The following FAM107A variants were observed in gnomAD, a reference collection of about 807,000 sequenced individuals.
FAM107A encodes actin-associated protein FAM107A.
Under a neutral mutation model 13.7 loss-of-function variants are expected in FAM107A, and 19 were observed. The observed-to-expected ratio is 1.38, with a 90% CI of 0.97 to 2.03. The LOEUF (loss-of-function observed/expected upper bound fraction) is 2.03, where lower values mean the gene tolerates loss of function less well. FAM107A is among the 30% of genes most tolerant of loss of function. The pLI is 0.00. For synonymous variants in FAM107A, 82 were observed against 74.5 expected (o/e 1.10, Z -0.52); for missense variants, 203 against 184.4 (o/e 1.10, Z -0.58).
At chr3:58,573,258 G>A (rs1244562385) in intron 1 of FAM107A, among the ~76,000 whole-genome samples, 1 of 152,216 alleles carries the variant, frequency 6.6e-6, no homozygotes, top group Non-Finnish European at 1.5e-5. Context: ...GAGGGGTGGG[G>A]TGAGGAGGGT....
Position 58,569,992 on chromosome 3 carries a change from G to T in FAM107A, c.-5-127C>A. Reference sequence around the variant, plus strand: ...TGGCCACCTGCTACTGCGCATACCTGGGCAAGCTACCTGACTTTCTGAGCC... The same window carrying T: ...TGGCCACCTGCTACTGCGCATACCTTGGCAAGCTACCTGACTTTCTGAGCC... On this transcript the variant is annotated intron_variant, in intron 1 of 3. Transcript: ENST00000360997. The surrounding 1 kb of genome is among the most constrained non-coding windows in gnomAD (Gnocchi z 5.7). The T allele has an allele frequency of 3.5e-6, 3 of 866,808 alleles. No individual in the cohort carries two copies. Among genetic ancestry groups the T allele is most frequent in the Non-Finnish European group, 5.2e-6 (3 of 581,388 alleles). The allele number at this position is 866,808 out of a possible 1,614,324, so 53.7% of individuals were successfully genotyped here. A position where few individuals can be genotyped will look rare whatever the true frequency, so the allele number is the denominator to read the frequency against.
chr3:58,589,035 G>T (rs1050818867), upstream of FAM107A, among the ~76,000 whole-genome samples: 2 of 152,162 alleles, frequency 1.3e-5, no homozygotes, highest in African/African-American at 4.8e-5. Context: ...TGGTAGTGGA[G>T]CCAGAATTTG....
At chr3:58,625,127 C>A (rs888287258) in intron 1 of FAM107A, among the ~76,000 whole-genome samples, 3 of 152,130 alleles carry the variant, frequency 2.0e-5, no homozygotes, top group Non-Finnish European at 4.4e-5. Context: ...AAACTTTAAA[C>A]AAACCCCACC....
intron 1 of FAM107A, among the ~76,000 whole-genome samples, chr3:58,606,117 A>T (rs1019402024): frequency 2.6e-5 from 4 of 152,022 alleles, no homozygotes; most frequent in Admixed American, 1.3e-4. Context: ...TTTGTTTGAG[A>T]TGGAGTCTCA....
At chr3:58,600,788 G>A (rs1403223246) in intron 1 of FAM107A, among the ~76,000 whole-genome samples, 1 of 152,142 alleles carries the variant, frequency 6.6e-6, no homozygotes, top group African/African-American at 2.4e-5. Context: ...GGGGAGAAAT[G>A]CCACAGGGGG....
upstream of FAM107A, among the ~76,000 whole-genome samples, chr3:58,580,517 C>T (rs773399695): frequency 2.1e-4 from 31 of 149,754 alleles, no homozygotes; most frequent in Non-Finnish European, 3.8e-4. Flanking sequence ...TGGGATCAAG[C>T]GAGCCTCCCA....
At chr3:58,623,372 C>T (rs2065977092) in intron 1 of FAM107A, among the ~76,000 whole-genome samples, 1 of 152,214 alleles carries the variant, frequency 6.6e-6, no homozygotes, top group Non-Finnish European at 1.5e-5. Context: ...AAATGTTTTA[C>T]AGAACGAAAG....
chr3:58,622,549 C>A (rs534538608), intron 1 of FAM107A, among the ~76,000 whole-genome samples: 2 of 152,274 alleles, frequency 1.3e-5, no homozygotes, highest in African/African-American at 4.8e-5. Flanking sequence ...TCCCTCACAC[C>A]TTGGGATGGA....
Position 58,569,965 on chromosome 3 carries a change from C to G in FAM107A, c.-5-100G>C, listed in dbSNP as rs369031590. 8 of 1,207,632 alleles carry G rather than the reference C, an allele frequency of 6.6e-6. No individual in the cohort carries two copies. Among genetic ancestry groups the G allele is most frequent in the Admixed American group, 2.3e-5 (1 of 42,852 alleles). The allele number at this position is 1,207,632 out of a possible 1,614,324, so 74.8% of individuals were successfully genotyped here. A position where few individuals can be genotyped will look rare whatever the true frequency, so the allele number is the denominator to read the frequency against. On this transcript the variant is annotated intron_variant, in intron 1 of 3. Transcript: ENST00000360997. This position sits in a 1 kb window ranked among gnomAD's most constrained non-coding sequence, Gnocchi z 5.7. ...GGCAAGGTTTTCATGTCAGATGGACCTTGGCCACCTGCTACTGCGCATACC... is the reference window on the plus strand; with the variant it reads ...GGCAAGGTTTTCATGTCAGATGGACGTTGGCCACCTGCTACTGCGCATACC...
chr3:58,590,641 CAG>C (rs777038806), upstream of FAM107A, among the ~76,000 whole-genome samples: 7 of 152,108 alleles, frequency 4.6e-5, no homozygotes, highest in African/African-American at 1.7e-4. Context: ...GCAGGAGAGA[CAG>C]AGAGAGAGTG....
intron 1 of FAM107A, among the ~76,000 whole-genome samples, chr3:58,602,862 A>G (rs4256151): frequency 0.27 from 40,843 of 152,186 alleles, 6,081 homozygotes; most frequent in South Asian, 0.5. Context: ...GTTTGTGGGT[A>G]TAGATATGTG....
chr3:58,601,227 G>A (rs2065750403), intron 1 of FAM107A, among the ~76,000 whole-genome samples: 1 of 152,118 alleles, frequency 6.6e-6, no homozygotes, highest in Non-Finnish European at 1.5e-5. Context: ...ATGCAGATGG[G>A]TGTAAAGTGC....
At position 58,574,977 on chromosome 3, in the gene FAM107A, G is replaced by A. The variant is rs2063718673; in HGVS notation, c.-6+2332C>T. Among the ~76,000 whole-genome samples, 3 of 152,290 alleles carry A rather than the reference G, an allele frequency of 2.0e-5. No homozygotes were observed. In the South Asian group the frequency reaches 6.2e-4, roughly 32 times the overall value. ...CTGGTGCCTGCAGCCACAGGAGAGA[G>A]TAAGGAGAGACAGAAGGAGAGCTGC... On this transcript the variant is annotated intron_variant, in intron 1 of 3. Coordinates refer to ENST00000360997, the MANE Select transcript of FAM107A (RefSeq NM_001076778.3).
chr3:58,592,772 G>A (rs781024392), intron 1 of FAM107A, among the ~76,000 whole-genome samples: 29 of 152,106 alleles, frequency 1.9e-4, no homozygotes, highest in Non-Finnish European at 3.7e-4. Context: ...TTTACCTCTT[G>A]CCCTTCTCAA....
At chr3:58,608,342 T>C (rs572631492) in intron 1 of FAM107A, among the ~76,000 whole-genome samples, 3 of 152,288 alleles carry the variant, frequency 2.0e-5, no homozygotes, top group African/African-American at 7.2e-5. Context: ...AAGAACAATT[T>C]TGCTTAAAAT....
chr3:58,598,963 C>T (rs771880279), intron 1 of FAM107A, among the ~76,000 whole-genome samples: 6 of 151,612 alleles, frequency 4.0e-5, no homozygotes, highest in African/African-American at 9.7e-5. Context: ...TTTTTTGAGA[C>T]GGAGTTTTGC....
chr3:58,579,240 AAAGG>A (rs2063753280), upstream of FAM107A, among the ~76,000 whole-genome samples: 1 of 152,110 alleles, frequency 6.6e-6, no homozygotes, highest in Admixed American at 6.5e-5. Context: ...GGTGTGATGT[AAAGG>A]CAGGCTGGGT....
chr3:58,607,425 A>G (rs2065805178), intron 1 of FAM107A, among the ~76,000 whole-genome samples: 1 of 152,122 alleles, frequency 6.6e-6, no homozygotes, highest in African/African-American at 2.4e-5. Context: ...GGTGGCCTCC[A>G]TGACTCTCAC....
chr3:58,576,611 A>G (rs147128902), intron 1 of FAM107A, among the ~76,000 whole-genome samples: 115 of 152,350 alleles, frequency 7.5e-4, no homozygotes, highest in African/African-American at 2.7e-3. Flanking sequence ...AGCAGTTTCA[A>G]AAAGTGACAC....
Sources: allele counts gnomAD v4.1 joint callset (sites outside exome capture counted in the v4.1 genomes callset), GRCh38; gene constraint gnomAD v4.1.1; non-coding constraint Gnocchi (gnomAD v3.1); transcripts MANE v1.5; gene names NCBI Gene and HGNC (gene_info 2026-07-23, HGNC 2026-07-21).